The following MAF variants were observed in gnomAD, a reference collection of about 807,000 sequenced individuals.
MAF encodes transcription factor Maf.
MAF carries 10 observed loss-of-function variants against 22.0 expected under a neutral mutation model. The ratio of observed to expected loss-of-function variants is 0.45; its 90% CI spans 0.28 to 0.77. The LOEUF (loss-of-function observed/expected upper bound fraction) is 0.77. Ranked by LOEUF, MAF falls within the 30% of genes least tolerant of loss-of-function variation. The probability of loss-of-function intolerance (pLI) is 0.12; values close to 1 mark genes in which losing one functional copy is unlikely to be tolerated. For missense variants in MAF, 544 were observed against 548.4 expected (o/e 0.99, Z 0.08); for synonymous variants, 337 against 255.8 (o/e 1.32, Z -3.03).
the MAF span, among the ~76,000 whole-genome samples, chr16:79,330,570 G>T: frequency 1.3e-5 from 2 of 152,208 alleles, no homozygotes; most frequent in Non-Finnish European, 2.9e-5. Flanking sequence ...CACCCACAGG[G>T]TGGGGAGGAA....
At chr16:79,359,585 C>T in the MAF span, among the ~76,000 whole-genome samples, 1 of 152,164 alleles carries the variant, frequency 6.6e-6, no homozygotes, top group Non-Finnish European at 1.5e-5. Flanking sequence ...TTTGAATGCA[C>T]CCAGCTAAGG....
chr16:79,599,277 G>C lies in MAF; in HGVS notation c.626C>G (p.Ser209Trp). Reference protein sequence around the residue: ...APGAAGSAAASAGGAGGAGGG... With the variant: ...APGAAGSAAAWAGGAGGAGGG... The stretch of plus-strand genomic sequence containing the variant: ...GCCCGCGCCCCCAGCGCCACCGGCC[G>C]AGGCGGCCGCGCTGCCCGCGGCGCC... Residue 209 changes from serine (S) to tryptophan (W), a missense_variant, in exon 1 of 2, where the codon TCG becomes TGG. Around this residue, in one of 5 missense-constraint regions of MAF, gnomAD observed 342 missense variants for 315.5 expected, o/e 1.08. Transcript: ENST00000326043. 1 of 978,752 alleles carries C rather than the reference G, an allele frequency of 1.0e-6. No homozygotes were observed. Among genetic ancestry groups the C allele is most frequent in the Non-Finnish European group, 1.2e-6 (1 of 827,486 alleles). The allele number at this position is 978,752 out of a possible 1,614,324, so 60.6% of individuals were successfully genotyped here.
the MAF span, among the ~76,000 whole-genome samples, chr16:79,441,921 G>A: frequency 6.6e-6 from 1 of 152,244 alleles, no homozygotes; most frequent in Admixed American, 6.5e-5. Flanking sequence ...GTAAGGGAAA[G>A]GAGGGGGAGA....
At chr16:79,479,585 C>T in the MAF span, among the ~76,000 whole-genome samples, 1 of 152,194 alleles carries the variant, frequency 6.6e-6, no homozygotes, top group East Asian at 1.9e-4. Flanking sequence ...TCGTCCCCCT[C>T]TCTAGAGCCG....
chr16:79,513,972 A>C, the MAF span, among the ~76,000 whole-genome samples: 1 of 152,366 alleles, frequency 6.6e-6, no homozygotes, highest in East Asian at 1.9e-4. Context: ...ATCAATAAAA[A>C]GAACACCTTC....
At chr16:79,207,173 C>G in the MAF span, among the ~76,000 whole-genome samples, 5 of 152,210 alleles carry the variant, frequency 3.3e-5, no homozygotes, top group Admixed American at 1.3e-4. Context: ...CAGCAGCTCT[C>G]TGATAAATGT....
the MAF span, among the ~76,000 whole-genome samples, chr16:79,439,683 ACACT>A: frequency 6.6e-6 from 1 of 152,190 alleles, no homozygotes; most frequent in African/African-American, 2.4e-5. Context: ...AAAACCATAG[ACACT>A]CACTCAGAAA....
chr16:79,541,432 T>C, the MAF span, among the ~76,000 whole-genome samples: 1 of 151,870 alleles, frequency 6.6e-6, no homozygotes, highest in East Asian at 1.9e-4. Context: ...CGTCAGTCCC[T>C]GGCAGGGACT....
chr16:79,525,272 G>A, the MAF span, among the ~76,000 whole-genome samples: 14 of 152,244 alleles, frequency 9.2e-5, no homozygotes, highest in South Asian at 2.7e-3. Context: ...CCAATGCCTG[G>A]GATGGATGTT....
the MAF span, among the ~76,000 whole-genome samples, chr16:79,576,404 G>A: frequency 1.3e-5 from 2 of 152,126 alleles, no homozygotes; most frequent in Non-Finnish European, 1.5e-5. Context: ...CCCACGGAGG[G>A]TCGTCATGCA....
chr16:79,219,814 A>G, the MAF span, among the ~76,000 whole-genome samples: 10 of 152,138 alleles, frequency 6.6e-5, no homozygotes, highest in Non-Finnish European at 4.4e-5. Flanking sequence ...GGCTTCTCTA[A>G]GCTGAACAAG....
downstream of MAF, chr16:79,593,770 G>A (rs868733596): frequency 6.5e-4 from 67 of 102,718 alleles, no homozygotes; most frequent in African/African-American, 2.8e-3. Context: ...GAAATGTAAA[G>A]GAGGTGATTT....
At chr16:79,395,952 C>G in the MAF span, among the ~76,000 whole-genome samples, 5 of 152,168 alleles carry the variant, frequency 3.3e-5, no homozygotes, top group Admixed American at 3.3e-4. Flanking sequence ...AAATGGCCCC[C>G]CCGGTGGCAT....
At chr16:79,212,455 T>C in the MAF span, 1 of 251,062 alleles carries the variant, frequency 4.0e-6, no homozygotes, top group African/African-American at 2.2e-5. Context: ...TTATAACAAA[T>C]TTTTCAAATC....
At chr16:79,597,293 A>T in intron 1 of MAF, 2 of 1,043,772 alleles carry the variant, frequency 1.9e-6, no homozygotes, top group Non-Finnish European at 2.3e-6. Flanking sequence ...AGATTATAAA[A>T]ACTAGAATTA....
At chr16:79,243,033 T>C in the MAF span, among the ~76,000 whole-genome samples, 1 of 152,090 alleles carries the variant, frequency 6.6e-6, no homozygotes, top group Non-Finnish European at 1.5e-5. Flanking sequence ...CCAGAGTCTC[T>C]GGGACACATG....
chr16:79,591,558 G>A (rs746439696), downstream of MAF, among the ~76,000 whole-genome samples: 4 of 152,218 alleles, frequency 2.6e-5, no homozygotes, highest in Non-Finnish European at 5.9e-5. Context: ...TAGAGGCTAC[G>A]ATTTGTGTAA....
chr16:79,421,058 G>C, the MAF span, among the ~76,000 whole-genome samples: 17 of 151,768 alleles, frequency 1.1e-4, no homozygotes, highest in Admixed American at 2.0e-4. Flanking sequence ...AAAATTGAGA[G>C]AGAGAGATTT....
the MAF span, among the ~76,000 whole-genome samples, chr16:79,488,009 T>G: frequency 4.2e-3 from 639 of 152,310 alleles, 5 homozygotes; most frequent in African/African-American, 0.015. Context: ...GAAAGGGATG[T>G]GGTTACAAAT....
Sources: gnomAD v4.1 joint callset for allele counts (sites outside exome capture counted in the v4.1 genomes callset) on GRCh38, gnomAD v4.1.1 for gene constraint, gnomAD v4.1.1 regional missense constraint, MANE v1.5 for transcripts, NCBI Gene and HGNC (gene_info 2026-07-23, HGNC 2026-07-21) for gene names.